FREM1: variants seen among roughly 807,000 people sequenced by gnomAD.
FREM1 encodes the protein FRAS1 related extracellular matrix 1.
FREM1 carries 220 observed loss-of-function variants against 210.1 expected under a neutral mutation model. That is an observed-to-expected ratio of 1.05 (90% confidence interval 0.94 to 1.17). The LOEUF (loss-of-function observed/expected upper bound fraction) is 1.17, where lower values mean the gene tolerates loss of function less well. Ranked by LOEUF, FREM1 falls within the 50% of genes most tolerant of loss-of-function variation. FREM1 has a pLI of 0.00. For synonymous variants in FREM1, 1,189 were observed against 980.2 expected (o/e 1.21, Z -3.98); for missense variants, 3,454 against 2,675.5 (o/e 1.29, Z -6.42).
At chr9:14,859,572 C>T in intron 3 of FREM1, 88 bp from the exon 4 acceptor site, 2 of 1,117,882 alleles carry the variant, frequency 1.8e-6, no homozygotes, top group Non-Finnish European at 2.5e-6. Context: ...TAAAGATTGG[C>T]CTTCACCAAA....
chr9:14,799,076 C>T lies in FREM1; in HGVS notation c.3695-1434G>A, dbSNP rs534247876. The stretch of plus-strand genomic sequence containing the variant: ...GGAAAATCACTTGAGCCCAGGAGTT[C>T]GAGACCAGCCTGGACAACACAGGGA... On this transcript the variant is annotated intron_variant, in intron 20 of 36. Coordinates refer to ENST00000380880, the MANE Select transcript of FREM1 (RefSeq NM_001379081.2). Among the ~76,000 whole-genome samples, 12 of 152,124 alleles carry T rather than the reference C, an allele frequency of 7.9e-5. No homozygotes were observed. The East Asian group carries it at 9.7e-4, about 12-fold the overall frequency.
chr9:14,811,292 G>C (rs1207463053), intron 16 of FREM1, among the ~76,000 whole-genome samples: 1 of 152,164 alleles, frequency 6.6e-6, no homozygotes, highest in Non-Finnish European at 1.5e-5. Flanking sequence ...TACACTACAG[G>C]AGATTTAGAA....
intron 29 of FREM1, among the ~76,000 whole-genome samples, chr9:14,752,369 G>A (rs77534274): frequency 6.6e-6 from 1 of 152,136 alleles, no homozygotes; most frequent in South Asian, 2.1e-4. Context: ...CTCGGGAAGG[G>A]TGAGTGAATT....
chr9:14,815,658 T>C (rs906115823), intron 15 of FREM1, among the ~76,000 whole-genome samples: 2 of 151,506 alleles, frequency 1.3e-5, no homozygotes, highest in Non-Finnish European at 1.5e-5. Context: ...ATTCAAATTG[T>C]TTTTTTTGAG....
At chr9:14,744,839 G>A (rs533724464) in intron 35 of FREM1, among the ~76,000 whole-genome samples, 4 of 152,244 alleles carry the variant, frequency 2.6e-5, no homozygotes, top group African/African-American at 9.6e-5. Context: ...CAAAGTGATT[G>A]TACCATTTTA....
Position 14,857,735 on chromosome 9 carries a change from G to T in FREM1, c.646C>A (p.Leu216Met), listed in dbSNP as rs570025888. The T allele has an allele frequency of 1.2e-6, 2 of 1,603,714 alleles. No individual in the cohort carries two copies. Among genetic ancestry groups the T allele is most frequent in the Non-Finnish European group, 1.7e-6 (2 of 1,174,958 alleles). The change falls in exon 5 of 37, where the codon CTG (leucine) becomes ATG (methionine). Residue 216 changes from leucine (L) to methionine (M), a missense_variant. Physicochemically the swap from Leu to Met is conservative, Grantham distance 15 (BLOSUM62 2). Coordinates refer to ENST00000380880, the MANE Select transcript of FREM1 (RefSeq NM_001379081.2). ...GTACAGCTCCCACCTGGACACTTCA[G>T]TTTTGCTCTCAGTTCTAGAATGTAC... ...FFPESQLRAK[L>M]KCPGGSCTPG...
At chr9:14,792,939 A>G in intron 21 of FREM1, 55 bp from the exon 22 acceptor site, 1 of 1,168,938 alleles carries the variant, frequency 8.6e-7, no homozygotes, top group African/African-American at 1.5e-5. Context: ...TTCCTTTAGT[A>G]GGGGACACTT....
chr9:14,876,840 G>A (rs148503760), intron 1 of FREM1, among the ~76,000 whole-genome samples: 56 of 152,092 alleles, frequency 3.7e-4, no homozygotes, highest in Non-Finnish European at 6.3e-4. Context: ...CCTTTAATAT[G>A]GTTGTTGAAC....
chr9:14,739,899 G>C (rs1563803268), intron 36 of FREM1, among the ~76,000 whole-genome samples: 1 of 151,944 alleles, frequency 6.6e-6, no homozygotes, highest in African/African-American at 2.4e-5. Flanking sequence ...TTATTGCATT[G>C]AATTCTCTTG....
At position 14,806,757 on chromosome 9, in the gene FREM1, A is replaced by T. The variant is rs1298150222; in HGVS notation, c.3178T>A (p.Leu1060Met). The change falls in exon 18 of 37, where the codon TTG (leucine) becomes ATG (methionine). Residue 1060 changes from leucine (L) to methionine (M), a missense_variant. Physicochemically the swap from Leu to Met is conservative, Grantham distance 15. Transcript: ENST00000380880. Reference sequence around the variant, plus strand: ...GGAGGAGAAACCAAAACAAATTCCAAGTCATCTGCTGCAGTGTCAGGGTCA... The same window carrying T: ...GGAGGAGAAACCAAAACAAATTCCATGTCATCTGCTGCAGTGTCAGGGTCA... ...ATDPDTAADD[L>M]EFVLVSPPQF... is the part of the protein sequence containing the mutation. The T allele has an allele frequency of 1.2e-6, 2 of 1,605,684 alleles. No individual in the cohort carries two copies. Among genetic ancestry groups the T allele is most frequent in the Non-Finnish European group, 1.7e-6 (2 of 1,175,830 alleles).
Position 14,747,664 on chromosome 9 carries a change from T to G in FREM1, c.5844+17A>C. 2 of 1,461,940 alleles carry G rather than the reference T, an allele frequency of 1.4e-6. No individual in the cohort carries two copies. The highest frequency in any genetic ancestry group is 1.8e-6 in the Non-Finnish European group (2 of 1,083,438). 90.6% of individuals were successfully genotyped at this position (1,461,940 alleles called of 1,614,324 possible). On this transcript the variant is annotated intron_variant, in intron 32 of 36. Coordinates refer to ENST00000380880, the MANE Select transcript of FREM1 (RefSeq NM_001379081.2). The stretch of plus-strand genomic sequence containing the variant: ...CCATAAATATAAGAAATTTAGCAAT[T>G]CTGTGACTACACTTACATTATAGAT...
rs148115083 is a variant in FREM1, at chr9:14,810,012, G to A, written c.2894-1878C>T. Among the ~76,000 whole-genome samples the A allele has an allele frequency of 1.2e-4, 18 of 152,216 alleles. No individual in the cohort carries two copies. In the East Asian group the frequency reaches 3.5e-3, roughly 29 times the overall value. ...CCTGATCGTGTGCAAGGTGCTGAGGGTGAAAGAAGATGAGTTTTAGCTGAC... is the reference window on the plus strand; with the variant it reads ...CCTGATCGTGTGCAAGGTGCTGAGGATGAAAGAAGATGAGTTTTAGCTGAC... On this transcript the variant is annotated intron_variant, in intron 16 of 36. Coordinates refer to ENST00000380880, the MANE Select transcript of FREM1 (RefSeq NM_001379081.2).
Position 14,756,425 on chromosome 9 carries a change from C to G in FREM1, c.5356G>C (p.Val1786Leu). 1 of 1,599,914 alleles carries G rather than the reference C, an allele frequency of 6.3e-7. No homozygotes were observed. The highest frequency in any genetic ancestry group is 8.5e-7 in the Non-Finnish European group (1 of 1,172,792). The change falls in exon 29 of 37, where the codon GTT becomes CTT. Residue 1786 changes from valine to leucine, a missense_variant. Transcript: ENST00000380880. ...GIKVNQVSAA[V>L]GKDFTVIPSK... is the part of the protein sequence containing the mutation. Reference sequence around the variant, plus strand: ...GGAATCACGGTGAAATCTTTTCCAACTGCAGCTGACACTTGGTTGACCTTA... The same window carrying G: ...GGAATCACGGTGAAATCTTTTCCAAGTGCAGCTGACACTTGGTTGACCTTA...
chr9:14,878,467 C>T (rs892373210), intron 1 of FREM1, among the ~76,000 whole-genome samples: 37 of 152,140 alleles, frequency 2.4e-4, no homozygotes, highest in African/African-American at 8.9e-4. Context: ...CCTAACAACC[C>T]CATTAGAATT....
chr9:14,821,899 T>G (rs531243196), intron 13 of FREM1, among the ~76,000 whole-genome samples: 1 of 152,240 alleles, frequency 6.6e-6, no homozygotes, highest in Non-Finnish European at 1.5e-5. Flanking sequence ...ATTATTTTCA[T>G]ATATTGTTTT....
At chr9:14,829,926 G>A (rs10810257) in intron 10 of FREM1, among the ~76,000 whole-genome samples, 63,569 of 152,034 alleles carry the variant, frequency 0.42, 13,710 homozygotes, top group African/African-American at 0.53. Flanking sequence ...GAGATGCAGA[G>A]AGAGGACCAG....
At chr9:14,908,484 C>G (rs1440293552) in intron 1 of FREM1, among the ~76,000 whole-genome samples, 1 of 151,958 alleles carries the variant, frequency 6.6e-6, no homozygotes, top group Non-Finnish European at 1.5e-5. Flanking sequence ...ACATGGTAGT[C>G]AGGTCCCTTT....
chr9:14,753,045 T>A (rs763997107), intron 29 of FREM1, among the ~76,000 whole-genome samples: 6 of 152,220 alleles, frequency 3.9e-5, no homozygotes, highest in Non-Finnish European at 5.9e-5. Context: ...TTTAGGTTAA[T>A]GAGATTGGAA....
intron 30 of FREM1, 30 bp downstream of exon 30, chr9:14,750,097 C>G: frequency 6.2e-7 from 1 of 1,611,212 alleles, no homozygotes; most frequent in Middle Eastern, 1.7e-4. Flanking sequence ...AGGACCGCTC[C>G]TGATTTCAAG....
Sources: allele counts gnomAD v4.1 joint callset (sites outside exome capture counted in the v4.1 genomes callset), GRCh38; gene constraint gnomAD v4.1.1; transcripts MANE v1.5; gene names NCBI Gene and HGNC (gene_info 2026-07-23, HGNC 2026-07-21).